Variants in ANKFN1 observed in about 807,000 individuals in gnomAD.
The protein encoded by ANKFN1 is ankyrin repeat and fibronectin type-III domain-containing protein 1.
ANKFN1 carries 74 observed loss-of-function variants against 108.7 expected under a neutral mutation model. The ratio of observed to expected loss-of-function variants is 0.68; its 90% CI spans 0.56 to 0.83. ANKFN1 has a LOEUF of 0.83. Ranked by LOEUF, ANKFN1 falls within the 40% of genes least tolerant of loss-of-function variation. The pLI, the probability that ANKFN1 is intolerant of heterozygous loss-of-function variation, is 0.00. For missense variants in ANKFN1, 1,505 were observed against 1,382.3 expected, an observed-to-expected ratio of 1.09 and a Z score of -1.41; for synonymous variants, 547 against 516.2, an observed-to-expected ratio of 1.06 and a Z score of -0.81.
intron 3 of ANKFN1, among the ~76,000 whole-genome samples, chr17:56,261,364 G>C (rs1453958055): frequency 6.6e-6 from 1 of 152,174 alleles, no homozygotes; most frequent in African/African-American, 2.4e-5. Flanking sequence ...AGTTGAACCT[G>C]GGTAGCTCTA....
chr17:56,482,224 A>G (rs1262451655), intron 17 of ANKFN1, 132 bp from the exon 18 acceptor site: 70 of 787,500 alleles, frequency 8.9e-5, no homozygotes, highest in Non-Finnish European at 1.3e-4. Flanking sequence ...GAACCCTAAT[A>G]TTTATGTTGT....
intron 3 of ANKFN1, among the ~76,000 whole-genome samples, chr17:56,309,709 T>G (rs946062522): frequency 3.3e-5 from 5 of 152,224 alleles, no homozygotes; most frequent in African/African-American, 1.2e-4. Flanking sequence ...ATGTTTTTCT[T>G]ATACATACAT....
intron 4 of ANKFN1, among the ~76,000 whole-genome samples, chr17:56,123,099 T>A (rs1319498326): frequency 1.3e-5 from 2 of 152,232 alleles, no homozygotes. Context: ...TTTCCCCTAC[T>A]TTATACACAG....
rs565534385 is a variant in ANKFN1 at position 56,447,566 on chromosome 17, A to T, written c.1100-1513A>T. Among the ~76,000 whole-genome samples, 5 of 152,352 alleles carry T rather than the reference A, an allele frequency of 3.3e-5. No homozygotes were observed. The South Asian group carries it at 1.0e-3, about 32-fold the overall frequency. On this transcript the variant is annotated intron_variant, in intron 10 of 20. Coordinates refer to ENST00000682825, the MANE Select transcript of ANKFN1 (RefSeq NM_001370326.1). The stretch of plus-strand genomic sequence containing the variant: ...TGGTTATATCAGCCCTGGTATCCTG[A>T]AAAGTAAAATAAAGACAGGTCCATG...
intron 6 of ANKFN1, among the ~76,000 whole-genome samples, chr17:56,360,634 G>A (rs1177664458): frequency 6.6e-6 from 1 of 152,020 alleles, no homozygotes; most frequent in Non-Finnish European, 1.5e-5. Flanking sequence ...TTCTTTTGAG[G>A]GGTGTCAATA....
chr17:56,261,155 C>T lies in ANKFN1; in HGVS notation c.53+33198C>T, dbSNP rs72833820. ...AGTGGCACCCCACTTGTCACCTGTACGGACCTTGTTATCTTCCTTTCCTCC... is the reference window on the plus strand; with the variant it reads ...AGTGGCACCCCACTTGTCACCTGTATGGACCTTGTTATCTTCCTTTCCTCC... On this transcript the variant is annotated intron_variant, in intron 3 of 20. Transcript: ENST00000682825. 1.6e-4 allele frequency among the ~76,000 whole-genome samples: 25 copies of T among 152,326 alleles called. No individual in the cohort carries two copies. The Middle Eastern group carries it at 0.014, about 83-fold the overall frequency.
At chr17:56,448,540 G>C (rs942243103) in intron 10 of ANKFN1, among the ~76,000 whole-genome samples, 4 of 152,208 alleles carry the variant, frequency 2.6e-5, no homozygotes, top group Non-Finnish European at 4.4e-5. Context: ...ACATTCATTA[G>C]AGCAAAATGT....
rs80249799 is a variant in ANKFN1, at chr17:56,218,983, C to A, written c.12+6304C>A. Among the ~76,000 whole-genome samples, 5 of 152,124 alleles carry A rather than the reference C, an allele frequency of 3.3e-5. No homozygotes were observed. The East Asian group carries it at 7.7e-4, about 24-fold the overall frequency. ...AGGTACCCCAGGCATAGGTCTATTA[C>A]AGTACTTTTCACACATCCCTGTAAT... On this transcript the variant is annotated intron_variant, in intron 2 of 20. Coordinates refer to ENST00000682825, the MANE Select transcript of ANKFN1 (RefSeq NM_001370326.1).
chr17:56,159,498 C>G (rs1359015693), intron 1 of ANKFN1, among the ~76,000 whole-genome samples: 2 of 152,202 alleles, frequency 1.3e-5, no homozygotes, highest in East Asian at 3.8e-4. Flanking sequence ...ATAGCATTAT[C>G]TTTGTCCAAC....
chr17:56,071,035 CTT>C (rs1905115830), intron 4 of ANKFN1, among the ~76,000 whole-genome samples: 1 of 152,100 alleles, frequency 6.6e-6, no homozygotes, highest in South Asian at 2.1e-4. Context: ...TGCCTTGTCT[CTT>C]TTGCATTTTT....
chr17:56,404,051 T>C (rs1567975917), intron 8 of ANKFN1, among the ~76,000 whole-genome samples: 1 of 152,180 alleles, frequency 6.6e-6, no homozygotes, highest in Non-Finnish European at 1.5e-5. Flanking sequence ...TCCAAGTTTT[T>C]CCTTTATAGG....
At chr17:56,074,907 G>A (rs1905163911) in intron 4 of ANKFN1, among the ~76,000 whole-genome samples, 1 of 152,230 alleles carries the variant, frequency 6.6e-6, no homozygotes, top group African/African-American at 2.4e-5. Flanking sequence ...CTGTTTGTAA[G>A]CATGCCAATA....
intron 3 of ANKFN1, among the ~76,000 whole-genome samples, chr17:56,295,408 A>G (rs999232549): frequency 6.6e-6 from 1 of 152,178 alleles, no homozygotes; most frequent in Non-Finnish European, 1.5e-5. Context: ...TAATACCTGT[A>G]TCAGTATCAC....
intron 6 of ANKFN1, among the ~76,000 whole-genome samples, chr17:56,363,390 G>A (rs1363911046): frequency 6.6e-6 from 1 of 152,148 alleles, no homozygotes; most frequent in Non-Finnish European, 1.5e-5. Flanking sequence ...TCTAACACCT[G>A]TCAGACTGGC....
rs575170744 is a variant in ANKFN1, at chr17:56,456,854, A to G, written c.1208-7A>G. The G allele has an allele frequency of 3.5e-5, 57 of 1,612,834 alleles. No homozygotes were observed. The highest frequency in any genetic ancestry group is 1.2e-4 in the Admixed American group (7 of 60,014). ...ATTTATACTGTATTTTTTAAAATAC[A>G]TTCCAGAAAGCACAAAATTACAAAC... On this transcript the variant is annotated splice_region_variant and splice_polypyrimidine_tract_variant and intron_variant, in intron 11 of 20. Coordinates refer to ENST00000682825, the MANE Select transcript of ANKFN1 (RefSeq NM_001370326.1).
intron 4 of ANKFN1, among the ~76,000 whole-genome samples, chr17:56,100,916 T>A (rs1489608880): frequency 6.6e-6 from 1 of 152,190 alleles, no homozygotes; most frequent in African/African-American, 2.4e-5. Context: ...CCATTGTTAT[T>A]ATGGGCTGAC....
chr17:56,251,553 C>G (rs534983531), intron 3 of ANKFN1, among the ~76,000 whole-genome samples: 4 of 152,288 alleles, frequency 2.6e-5, no homozygotes, highest in African/African-American at 9.6e-5. Flanking sequence ...TTTTGTGAAG[C>G]AGCTAGCAGA....
chr17:56,163,104 T>G (rs1275731277), intron 1 of ANKFN1, among the ~76,000 whole-genome samples: 1 of 151,572 alleles, frequency 6.6e-6, no homozygotes, highest in Non-Finnish European at 1.5e-5. Flanking sequence ...TTATTTAACA[T>G]TCCAAACTTG....
At chr17:56,304,845 T>C (rs1218714760) in intron 3 of ANKFN1, among the ~76,000 whole-genome samples, 3 of 152,222 alleles carry the variant, frequency 2.0e-5, no homozygotes, top group Non-Finnish European at 1.5e-5. Flanking sequence ...TAAAACCTCT[T>C]CAGTGAAATA....
Sources: gnomAD v4.1 joint callset for allele counts (sites outside exome capture counted in the v4.1 genomes callset) on GRCh38, gnomAD v4.1.1 for gene constraint, MANE v1.5 for transcripts, NCBI Gene and HGNC (gene_info 2026-07-23, HGNC 2026-07-21) for gene names.